Variants in AGMO observed in about 807,000 individuals in gnomAD.
AGMO encodes glyceryl-ether monooxygenase.
AGMO carries 75 observed loss-of-function variants against 60.2 expected under a neutral mutation model. That is an observed-to-expected ratio of 1.25 (90% CI 1.03 to 1.51). The LOEUF is 1.51. Among genes scored for constraint, AGMO ranks in the 40% most tolerant of loss-of-function variants. AGMO has a pLI of 0.00. For missense variants in AGMO, 763 were observed against 525.5 expected, an observed-to-expected ratio of 1.45 and a Z score of -4.42; for synonymous variants, 261 against 177.1, an observed-to-expected ratio of 1.47 and a Z score of -3.76.
rs746903538 is a variant in AGMO, at chr7:15,201,265, G to T, written c.*20C>A. ...GTGTGGACAACTCATTAAAAGAAGA[G>T]AATTATGTACAAATTCAGGTTATTT... On this transcript the variant is annotated 3_prime_UTR_variant, in exon 13 of 13. Transcript: ENST00000342526. 9 of 1,573,482 alleles carry T rather than the reference G, an allele frequency of 5.7e-6. No individual in the cohort carries two copies. The South Asian group carries it at 5.8e-5, about 10-fold the overall frequency.
At chr7:15,379,438 G>C (rs1204053231) in intron 10 of AGMO, among the ~76,000 whole-genome samples, 3 of 152,014 alleles carry the variant, frequency 2.0e-5, no homozygotes. Flanking sequence ...TATTATCAAT[G>C]ACCCCACAGA....
At chr7:15,323,423 G>T (rs563755124) in intron 12 of AGMO, among the ~76,000 whole-genome samples, 92 of 152,114 alleles carry the variant, frequency 6.0e-4, no homozygotes, top group Non-Finnish European at 9.7e-4. Context: ...CTTTCAAGGG[G>T]GATAAAAGAT....
intron 12 of AGMO, among the ~76,000 whole-genome samples, chr7:15,317,246 T>C (rs1286392575): frequency 6.6e-6 from 1 of 152,172 alleles, no homozygotes; most frequent in Admixed American, 6.5e-5. Context: ...AGATTATTTT[T>C]ATGGTAACTC....
At chr7:15,327,474 T>C (rs982367534) in intron 12 of AGMO, among the ~76,000 whole-genome samples, 1 of 152,054 alleles carries the variant, frequency 6.6e-6, no homozygotes, top group Non-Finnish European at 1.5e-5. Context: ...TTCACTCACA[T>C]GCAAAGATCA....
chr7:15,346,458 A>G (rs1782034759), intron 12 of AGMO, among the ~76,000 whole-genome samples: 1 of 152,080 alleles, frequency 6.6e-6, no homozygotes, highest in African/African-American at 2.4e-5. Context: ...ATTTAATTGT[A>G]AAACAGGCCA....
At chr7:15,149,529 A>G in the AGMO span, among the ~76,000 whole-genome samples, 1 of 152,056 alleles carries the variant, frequency 6.6e-6, no homozygotes, top group Non-Finnish European at 1.5e-5. Context: ...TAATCTGCAT[A>G]TGTTTAGCTA....
At chr7:15,360,770 T>C (rs1489346975) in intron 12 of AGMO, among the ~76,000 whole-genome samples, 5 of 152,064 alleles carry the variant, frequency 3.3e-5, no homozygotes, top group Admixed American at 2.6e-4. Flanking sequence ...TAAGGGTCAA[T>C]TGGATCCAAA....
chr7:15,134,020 G>C, the AGMO span, among the ~76,000 whole-genome samples: 5 of 152,140 alleles, frequency 3.3e-5, no homozygotes, highest in African/African-American at 1.2e-4. Context: ...TCGAGAGTTT[G>C]AGAACACAAT....
intron 3 of AGMO, among the ~76,000 whole-genome samples, chr7:15,471,840 C>A (rs1466088532): frequency 6.6e-6 from 1 of 151,520 alleles, no homozygotes; most frequent in Non-Finnish European, 1.5e-5. Flanking sequence ...TTTAATCTTC[C>A]AAAAAGCTTA....
intron 5 of AGMO, among the ~76,000 whole-genome samples, chr7:15,395,394 G>A (rs1784331508): frequency 6.6e-6 from 1 of 152,240 alleles, no homozygotes; most frequent in Admixed American, 6.5e-5. Context: ...TGCACCTTTA[G>A]ATATCGATTT....
intron 12 of AGMO, among the ~76,000 whole-genome samples, chr7:15,300,732 C>G (rs1020023374): frequency 6.6e-6 from 1 of 152,100 alleles, no homozygotes; most frequent in Non-Finnish European, 1.5e-5. Context: ...GAGTAAAACT[C>G]CTGGAGGAAA....
intron 3 of AGMO, among the ~76,000 whole-genome samples, chr7:15,491,990 G>A (rs1391579034): frequency 6.6e-6 from 1 of 152,202 alleles, no homozygotes; most frequent in Admixed American, 6.5e-5. Flanking sequence ...CAGTTTGAAA[G>A]TAAAAGATAG....
chr7:15,338,487 C>T (rs1252406450), intron 12 of AGMO, among the ~76,000 whole-genome samples: 2 of 152,124 alleles, frequency 1.3e-5, no homozygotes, highest in African/African-American at 2.4e-5. Flanking sequence ...TTAAAGTCAA[C>T]ATTTGATAGA....
chr7:15,469,324 A>G (rs969466685), intron 3 of AGMO, among the ~76,000 whole-genome samples: 1 of 152,152 alleles, frequency 6.6e-6, no homozygotes, highest in African/African-American at 2.4e-5. Context: ...AGCTCAGGAA[A>G]GTTAGTTAAA....
intron 12 of AGMO, among the ~76,000 whole-genome samples, chr7:15,359,541 T>TA (rs1339961974): frequency 6.6e-6 from 1 of 152,098 alleles, no homozygotes; most frequent in East Asian, 1.9e-4. Context: ...TTTGTAGAAG[T>TA]AAAGTTTTTT....
At chr7:15,339,489 G>A (rs990216715) in intron 12 of AGMO, among the ~76,000 whole-genome samples, 1 of 152,162 alleles carries the variant, frequency 6.6e-6, no homozygotes, top group African/African-American at 2.4e-5. Context: ...TTTAGAGGAT[G>A]TTCAGCTGGA....
intron 12 of AGMO, among the ~76,000 whole-genome samples, chr7:15,357,309 C>A (rs1782576934): frequency 6.6e-6 from 1 of 151,418 alleles, no homozygotes; most frequent in Non-Finnish European, 1.5e-5. Context: ...CTATTCCTTA[C>A]ATTCATCTTG....
chr7:15,132,217 CTTTA>C, the AGMO span, among the ~76,000 whole-genome samples: 1 of 152,074 alleles, frequency 6.6e-6, no homozygotes, highest in African/African-American at 2.4e-5. Context: ...AAAGTGTTGA[CTTTA>C]TTTAGGCATT....
Position 15,243,245 on chromosome 7 carries a change from G to C in AGMO, c.1264-41886C>G, listed in dbSNP as rs113309229. Among the ~76,000 whole-genome samples, 535 of 152,164 alleles carry C rather than the reference G, an allele frequency of 3.5e-3. 1 individual carries two copies. The highest frequency in any genetic ancestry group is 0.011 in the African/African-American group (442 of 41,488). ...AAATTAAATCCAAGTTCTTTATAGA[G>C]CTGGGTGGTAAATATTTATCAATGT... On this transcript the variant is annotated intron_variant, in intron 12 of 12. Transcript: ENST00000342526.
Sources: gnomAD v4.1 joint callset for allele counts (sites outside exome capture counted in the v4.1 genomes callset) on GRCh38, gnomAD v4.1.1 for gene constraint, MANE v1.5 for transcripts, NCBI Gene and HGNC (gene_info 2026-07-23, HGNC 2026-07-21) for gene names.